Variants in CCSER1 observed in about 807,000 individuals in gnomAD.
CCSER1 encodes the protein coiled-coil serine rich protein 1.
Under a neutral mutation model 82.0 loss-of-function variants are expected in CCSER1, and 41 were observed. The observed-to-expected ratio is 0.50, with a 90% confidence interval of 0.39 to 0.65. The LOEUF is 0.65. Ranked by LOEUF, CCSER1 falls within the 30% of genes least tolerant of loss-of-function variation. The pLI, the probability that CCSER1 is intolerant of heterozygous loss-of-function variation, is 0.00. For synonymous variants in CCSER1, 414 were observed against 383.9 expected (o/e 1.08, Z -0.92); for missense variants, 1,119 against 1,064.2 (o/e 1.05, Z -0.72).
At chr4:91,558,962 T>C (rs2110246545) in intron 10 of CCSER1, among the ~76,000 whole-genome samples, 1 of 151,744 alleles carries the variant, frequency 6.6e-6, no homozygotes, top group Non-Finnish European at 1.5e-5. Flanking sequence ...GGGAGATTCT[T>C]GTTGATTTCA....
intron 4 of CCSER1, among the ~76,000 whole-genome samples, chr4:90,454,429 G>A (rs568992010): frequency 1.3e-5 from 2 of 152,176 alleles, no homozygotes; most frequent in South Asian, 4.2e-4. Context: ...AGAGAGGTAT[G>A]CTTTACCAAG....
intron 10 of CCSER1, among the ~76,000 whole-genome samples, chr4:91,178,168 C>G (rs1375532048): frequency 6.6e-6 from 1 of 152,134 alleles, no homozygotes; most frequent in African/African-American, 2.4e-5. Context: ...GCCCTGTGGT[C>G]TCAGACACAA....
At chr4:90,601,545 C>G (rs894156058) in intron 5 of CCSER1, among the ~76,000 whole-genome samples, 1 of 151,910 alleles carries the variant, frequency 6.6e-6, no homozygotes, top group African/African-American at 2.4e-5. Flanking sequence ...TACTTGTATG[C>G]TATTTTATTT....
chr4:91,316,062 T>G (rs1184623013), intron 10 of CCSER1, among the ~76,000 whole-genome samples: 1 of 151,986 alleles, frequency 6.6e-6, no homozygotes, highest in East Asian at 1.9e-4. Flanking sequence ...ATAGGGCAGT[T>G]TCACTGCCCA....
intron 1 of CCSER1, among the ~76,000 whole-genome samples, chr4:90,273,801 G>A (rs1197753339): frequency 6.6e-6 from 1 of 152,062 alleles, no homozygotes; most frequent in Admixed American, 6.6e-5. Flanking sequence ...ATGAGTAAGA[G>A]TTCCAGGCAC....
chr4:90,731,169 A>G (rs539988580), intron 7 of CCSER1, among the ~76,000 whole-genome samples: 57 of 152,288 alleles, frequency 3.7e-4, no homozygotes, highest in African/African-American at 1.3e-3. Flanking sequence ...TTGTTAATAT[A>G]TTGTATGTAG....
chr4:91,310,688 A>T (rs1036189978), intron 10 of CCSER1, among the ~76,000 whole-genome samples: 9 of 151,878 alleles, frequency 5.9e-5, no homozygotes, highest in African/African-American at 2.2e-4. Flanking sequence ...GACTTAATGG[A>T]GCCATGAACC....
At chr4:90,473,042 A>C (rs893652363) in intron 5 of CCSER1, among the ~76,000 whole-genome samples, 5 of 152,132 alleles carry the variant, frequency 3.3e-5, no homozygotes, top group African/African-American at 1.2e-4. Context: ...TAAAAATCCT[A>C]CTGTTAAAAG....
intron 10 of CCSER1, among the ~76,000 whole-genome samples, chr4:91,413,726 T>TA (rs1753199216): frequency 6.6e-6 from 1 of 151,980 alleles, no homozygotes; most frequent in Admixed American, 6.6e-5. Context: ...AAGATAAATT[T>TA]AAAAAATCAT....
intron 6 of CCSER1, among the ~76,000 whole-genome samples, chr4:90,683,544 A>G (rs1579903816): frequency 6.6e-6 from 1 of 152,086 alleles, no homozygotes; most frequent in Non-Finnish European, 1.5e-5. Context: ...AATTATGAAA[A>G]GAACTTGCAA....
chr4:91,191,688 T>G (rs1735005891), intron 10 of CCSER1, among the ~76,000 whole-genome samples: 1 of 152,178 alleles, frequency 6.6e-6, no homozygotes, highest in South Asian at 2.1e-4. Flanking sequence ...GTGACAATAG[T>G]AATAACAGTG....
At chr4:90,882,537 G>T (rs1222417658) in intron 8 of CCSER1, among the ~76,000 whole-genome samples, 1 of 152,010 alleles carries the variant, frequency 6.6e-6, no homozygotes, top group Non-Finnish European at 1.5e-5. Context: ...AGGCTCAAAT[G>T]AGTTAATACG....
At chr4:90,710,947 T>C (rs1433048288) in intron 6 of CCSER1, among the ~76,000 whole-genome samples, 1 of 152,146 alleles carries the variant, frequency 6.6e-6, no homozygotes, top group Non-Finnish European at 1.5e-5. Flanking sequence ...TGATACTGAT[T>C]CTTCTTATCC....
In CCSER1 at chr4:91,602,749, C is replaced by T. The variant is rs2110369102; in HGVS notation, c.*3692C>T. Among the ~76,000 whole-genome samples, 1 of 152,054 alleles carries T rather than the reference C, an allele frequency of 6.6e-6. No individual in the cohort carries two copies. Among genetic ancestry groups the T allele is most frequent in the Non-Finnish European group, 1.5e-5 (1 of 67,910 alleles). ...TGAAACTAGAAAAGAAAGGGCAATA[C>T]ATGTGAAGATGATATCTATGATTGC... On this transcript the variant is annotated 3_prime_UTR_variant, in exon 11 of 11. Transcript: ENST00000509176.
chr4:90,407,045 A>G (rs1753835272), intron 4 of CCSER1, among the ~76,000 whole-genome samples: 1 of 152,210 alleles, frequency 6.6e-6, no homozygotes, highest in Non-Finnish European at 1.5e-5. Flanking sequence ...ACAACAACAA[A>G]AAAGACAAAA....
intron 9 of CCSER1, among the ~76,000 whole-genome samples, chr4:91,000,787 ACT>A (rs1314041627): frequency 6.6e-6 from 1 of 151,846 alleles, no homozygotes; most frequent in African/African-American, 2.4e-5. Context: ...GTATCCTGAA[ACT>A]CTGCTGAAGT....
chr4:90,390,062 G>C (rs1750734741), intron 3 of CCSER1, among the ~76,000 whole-genome samples: 1 of 152,112 alleles, frequency 6.6e-6, no homozygotes, highest in South Asian at 2.1e-4. Context: ...TTTGAGAAAA[G>C]GGGATACACT....
At chr4:90,705,763 C>T (rs990376454) in intron 6 of CCSER1, among the ~76,000 whole-genome samples, 1 of 152,212 alleles carries the variant, frequency 6.6e-6, no homozygotes, top group Non-Finnish European at 1.5e-5. Flanking sequence ...GGTCGTGGGA[C>T]CCTCCGAGCC....
chr4:91,439,460 C>T (rs935768906), intron 10 of CCSER1, among the ~76,000 whole-genome samples: 19 of 151,938 alleles, frequency 1.3e-4, no homozygotes, highest in African/African-American at 4.4e-4. Context: ...CAGGCCTGCC[C>T]TAAAAGAGCT....
Sources: gnomAD v4.1 joint callset for allele counts (sites outside exome capture counted in the v4.1 genomes callset) on GRCh38, gnomAD v4.1.1 for gene constraint, MANE v1.5 for transcripts, NCBI Gene and HGNC (gene_info 2026-07-23, HGNC 2026-07-21) for gene names.